Variants in JPH2 observed in about 807,000 individuals in gnomAD.
JPH2 encodes the protein junctophilin-2.
JPH2 carries 38 observed loss-of-function variants against 55.9 expected under a neutral mutation model. The ratio of observed to expected loss-of-function variants is 0.68; its 90% CI spans 0.52 to 0.89. The LOEUF is 0.89. Among genes scored for constraint, JPH2 ranks in the 40% least tolerant of loss-of-function variants. The pLI, the probability that JPH2 is intolerant of heterozygous loss-of-function variation, is 0.00. For synonymous variants in JPH2, 480 were observed against 472.4 expected (o/e 1.02, Z -0.21); for missense variants, 964 against 1,037.6 (o/e 0.93, Z 0.97).
chr20:44,133,145 C>T (rs1004454410), intron 2 of JPH2, among the ~76,000 whole-genome samples: 3 of 125,840 alleles, frequency 2.4e-5, no homozygotes, highest in Admixed American at 8.7e-5. Context: ...TATAACAGCT[C>T]CCATGGCTGC....
chr20:44,115,604 C>T (rs2072182282), intron 4 of JPH2, 61 bp downstream of exon 4: 1 of 1,608,898 alleles, frequency 6.2e-7, no homozygotes, highest in African/African-American at 1.3e-5. Flanking sequence ...CTGAATCCTC[C>T]CTCAAGCCCT....
chr20:44,139,712 C>A (rs1234869985), intron 2 of JPH2, among the ~76,000 whole-genome samples: 1 of 152,114 alleles, frequency 6.6e-6, no homozygotes, highest in Admixed American at 6.5e-5. Context: ...CAAATATTAG[C>A]AATTTCATAT....
chr20:44,158,159 C>T (rs961284049), intron 2 of JPH2, among the ~76,000 whole-genome samples: 4 of 152,152 alleles, frequency 2.6e-5, no homozygotes, highest in East Asian at 3.8e-4. Flanking sequence ...GCACCTGTGG[C>T]GCGCTCTAAG....
chr20:44,177,213 TC>T (rs2072741530), intron 1 of JPH2: 1 of 985,388 alleles, frequency 1.0e-6, no homozygotes, highest in African/African-American at 1.7e-5. Flanking sequence ...AGGATAACCC[TC>T]CAAGGCAGGA....
At chr20:44,131,777 G>T (rs2072321078) in intron 2 of JPH2, among the ~76,000 whole-genome samples, 1 of 152,026 alleles carries the variant, frequency 6.6e-6, no homozygotes, top group Admixed American at 6.5e-5. Context: ...TTCCCCTTCT[G>T]GGAGTGTGAT....
chr20:44,179,393 A>G (rs1352157264), intron 1 of JPH2, among the ~76,000 whole-genome samples: 1 of 152,196 alleles, frequency 6.6e-6, no homozygotes, highest in Admixed American at 6.5e-5. Context: ...TGGGATTGCA[A>G]TTATAACAGT....
chr20:44,168,086 G>T lies in JPH2; in HGVS notation c.380-7679C>A, dbSNP rs554768597. Among the ~76,000 whole-genome samples the T allele has an allele frequency of 2.0e-5, 3 of 152,296 alleles. No individual in the cohort carries two copies. In the East Asian group the frequency reaches 5.8e-4, roughly 29 times the overall value. On this transcript the variant is annotated intron_variant, in intron 1 of 5. Coordinates refer to ENST00000372980, the MANE Select transcript of JPH2 (RefSeq NM_020433.5). ...TGTGAGGCAGCTAGCTCAGTGCCTAGGATATAGTAAGTGTTCAATAAACCC... is the reference window on the plus strand; with the variant it reads ...TGTGAGGCAGCTAGCTCAGTGCCTATGATATAGTAAGTGTTCAATAAACCC...
chr20:44,128,848 G>T (rs7263823), intron 2 of JPH2, among the ~76,000 whole-genome samples: 3 of 152,088 alleles, frequency 2.0e-5, no homozygotes, highest in Non-Finnish European at 4.4e-5. Flanking sequence ...CACAGTACCC[G>T]GTTAACATGG....
intron 1 of JPH2, among the ~76,000 whole-genome samples, chr20:44,184,468 T>C (rs1307941322): frequency 6.6e-6 from 1 of 152,150 alleles, no homozygotes; most frequent in African/African-American, 2.4e-5. Flanking sequence ...ACTCAGAGAT[T>C]CTGATGAGAA....
intron 2 of JPH2, among the ~76,000 whole-genome samples, chr20:44,140,093 A>T (rs1197623014): frequency 6.6e-6 from 1 of 152,162 alleles, no homozygotes; most frequent in East Asian, 1.9e-4. Context: ...GGCTGGTCTC[A>T]ATCTCCTGAC....
intron 2 of JPH2, among the ~76,000 whole-genome samples, chr20:44,137,627 C>T (rs929592823): frequency 6.6e-6 from 1 of 152,248 alleles, no homozygotes; most frequent in Non-Finnish European, 1.5e-5. Flanking sequence ...CCGAACCCAG[C>T]CTTCCTCTGG....
chr20:44,113,475 C>T lies in JPH2; in HGVS notation c.*43G>A, dbSNP rs991093484. 4 of 152,144 alleles carry T rather than the reference C, an allele frequency of 2.6e-5. No individual in the cohort carries two copies. Among genetic ancestry groups the T allele is most frequent in the African/African-American group, 9.7e-5 (4 of 41,374 alleles). 9.4% of individuals were successfully genotyped at this position (152,144 alleles called of 1,614,324 possible). The stretch of plus-strand genomic sequence containing the variant: ...TGCCTGGCACTGCAAAAAGACGGGT[C>T]CTCATGTCCTCAGCAGGAACTTCTG... On this transcript the variant is annotated 3_prime_UTR_variant, in exon 6 of 6. Coordinates refer to ENST00000372980, the MANE Select transcript of JPH2 (RefSeq NM_020433.5).
Position 44,159,494 on chromosome 20 carries a change from C to T in JPH2, c.1169+124G>A. 1 of 1,020,522 alleles carries T rather than the reference C, an allele frequency of 9.8e-7. No individual in the cohort carries two copies. The allele number at this position is 1,020,522 out of a possible 1,614,324, so 63.2% of individuals were successfully genotyped here. A position where few individuals can be genotyped will look rare whatever the true frequency, so the allele number is the denominator to read the frequency against. ...CTCCCGAAGAGCCTCCAATTAACCC[C>T]TGAAGGTGATGGGGGTAAAAGAAGC... is the stretch of plus-strand genomic sequence containing the variant. On this transcript the variant is annotated intron_variant, in intron 2 of 5. Transcript: ENST00000372980. The surrounding 1 kb of genome is among the most constrained non-coding windows in gnomAD (Gnocchi z 5.7).
intron 2 of JPH2, among the ~76,000 whole-genome samples, chr20:44,145,024 C>G (rs1004103260): frequency 1.3e-5 from 2 of 152,178 alleles, no homozygotes; most frequent in Non-Finnish European, 2.9e-5. Context: ...CCCAAAGCCA[C>G]GAGGCCAGTG....
At chr20:44,174,046 G>A (rs1306785111) in intron 1 of JPH2, among the ~76,000 whole-genome samples, 2 of 152,176 alleles carry the variant, frequency 1.3e-5, no homozygotes, top group Non-Finnish European at 2.9e-5. Flanking sequence ...GGGTCATGAG[G>A]CTGAGTAGCA....
At chr20:44,146,822 C>T (rs1048174135) in intron 2 of JPH2, among the ~76,000 whole-genome samples, 4 of 152,206 alleles carry the variant, frequency 2.6e-5, no homozygotes, top group Non-Finnish European at 5.9e-5. Flanking sequence ...ATAGCTCCAG[C>T]AGCAAGGGTG....
At chr20:44,156,112 G>C (rs2072564965) in intron 2 of JPH2, among the ~76,000 whole-genome samples, 1 of 151,918 alleles carries the variant, frequency 6.6e-6, no homozygotes, top group African/African-American at 2.4e-5. Context: ...GGGAACCAAG[G>C]AGATCTGACA....
chr20:44,161,670 A>G (rs1433770167), intron 1 of JPH2, among the ~76,000 whole-genome samples: 1 of 151,972 alleles, frequency 6.6e-6, no homozygotes, highest in Non-Finnish European at 1.5e-5. Context: ...CTGTGATTCT[A>G]CAAAGTTGTG....
Position 44,186,683 on chromosome 20 carries a change from A to G in JPH2, c.23T>C (p.Phe8Ser), listed in dbSNP as rs2072848592. The G allele has an allele frequency of 6.3e-7, 1 of 1,599,938 alleles. No homozygotes were observed. The highest frequency in any genetic ancestry group is 8.5e-7 in the Non-Finnish European group (1 of 1,179,302). Reference sequence around the variant, plus strand: ...CCCGCAGTACGCCCCTCCATCATCAAAGTCGAAGCGGCCCCCACTCATCTC... The same window carrying G: ...CCCGCAGTACGCCCCTCCATCATCAGAGTCGAAGCGGCCCCCACTCATCTC... MSGGRFD[F>S]DDGGAYCGGW... Residue 8 changes from phenylalanine (F) to serine (S), a missense_variant, in exon 1 of 6, where the codon TTT (phenylalanine) becomes TCT (serine). Phe to Ser is a radical substitution (Grantham distance 155). Transcript: ENST00000372980.
Sources: gnomAD v4.1 joint callset for allele counts (sites outside exome capture counted in the v4.1 genomes callset) on GRCh38, gnomAD v4.1.1 for gene constraint, Gnocchi (gnomAD v3.1) non-coding constraint, MANE v1.5 for transcripts, NCBI Gene and HGNC (gene_info 2026-07-23, HGNC 2026-07-21) for gene names.